The following TAFA2 variants were observed in gnomAD, a reference collection of about 807,000 sequenced individuals.
TAFA2 encodes chemokine-like protein TAFA-2.
Under a neutral mutation model 18.8 loss-of-function variants are expected in TAFA2, and 7 were observed. The observed-to-expected ratio is 0.37, with a 90% CI of 0.21 to 0.70. The LOEUF (loss-of-function observed/expected upper bound fraction) is 0.70, where lower values mean the gene tolerates loss of function less well. Among genes scored for constraint, TAFA2 ranks in the 30% least tolerant of loss-of-function variants. The pLI, the probability that TAFA2 is intolerant of heterozygous loss-of-function variation, is 0.53. For missense variants in TAFA2, 122 were observed against 158.1 expected, an observed-to-expected ratio of 0.77 and a Z score of 1.23; for synonymous variants, 60 against 54.2, an observed-to-expected ratio of 1.11 and a Z score of -0.47.
At chr12:61,712,443 T>G (rs1173464823) in intron 4 of TAFA2, among the ~76,000 whole-genome samples, 1 of 152,124 alleles carries the variant, frequency 6.6e-6, no homozygotes, top group Non-Finnish European at 1.5e-5. Context: ...CTTATAAAAC[T>G]AAAACAATTT....
intron 1 of TAFA2, among the ~76,000 whole-genome samples, chr12:61,884,214 C>T (rs1199217859): frequency 2.0e-5 from 3 of 152,108 alleles, no homozygotes; most frequent in Non-Finnish European, 2.9e-5. Flanking sequence ...GAAACGATGG[C>T]GCTGACCCAG....
In TAFA2 at chr12:62,199,113, G is replaced by T. The variant is rs2136966616; in HGVS notation, c.-130+59650C>A. On this transcript the variant is annotated intron_variant, in intron 1 of 5. Coordinates refer to the TAFA2 transcript ENST00000551619. Reference sequence around the variant, plus strand: ...CATGTGTCTGAAATCAACTGGCAGTGCATTGCCTCCGTCATTATCTGACAA... The same window carrying T: ...CATGTGTCTGAAATCAACTGGCAGTTCATTGCCTCCGTCATTATCTGACAA... 2.0e-5 allele frequency among the ~76,000 whole-genome samples: 3 copies of T among 152,336 alleles called. No individual in the cohort carries two copies. The East Asian group carries it at 5.8e-4, about 29-fold the overall frequency.
chr12:61,760,450 A>T (rs1246379789), intron 2 of TAFA2, among the ~76,000 whole-genome samples: 1 of 149,948 alleles, frequency 6.7e-6, no homozygotes, highest in Non-Finnish European at 1.5e-5. Flanking sequence ...CAGGATTTGA[A>T]CATGAAATAT....
intron 1 of TAFA2, among the ~76,000 whole-genome samples, chr12:62,064,655 A>G (rs576459318): frequency 3.1e-4 from 47 of 152,246 alleles, no homozygotes; most frequent in African/African-American, 1.1e-3. Flanking sequence ...TTTCTGTTCA[A>G]TATCATTAAA....
At chr12:61,830,087 C>G (rs1420395163) in intron 2 of TAFA2, among the ~76,000 whole-genome samples, 1 of 151,360 alleles carries the variant, frequency 6.6e-6, no homozygotes, top group East Asian at 1.9e-4. Flanking sequence ...CTCATAATAG[C>G]AAAGATATGG....
chr12:62,137,144 G>C (rs1371270550), intron 1 of TAFA2, among the ~76,000 whole-genome samples: 1 of 152,092 alleles, frequency 6.6e-6, no homozygotes, highest in African/African-American at 2.4e-5. Flanking sequence ...TCTTACCCCT[G>C]CTACCTCAAG....
chr12:61,943,409 C>A (rs1448333237), intron 1 of TAFA2, among the ~76,000 whole-genome samples: 4 of 149,178 alleles, frequency 2.7e-5, no homozygotes, highest in South Asian at 2.2e-4. Context: ...CGAGCAAAAT[C>A]ACCAGCTAAC....
chr12:62,214,359 C>T (rs1377641125), intron 1 of TAFA2, among the ~76,000 whole-genome samples: 2 of 152,134 alleles, frequency 1.3e-5, no homozygotes, highest in African/African-American at 2.4e-5. Flanking sequence ...TGCACAAGCT[C>T]GCTCTCTCTT....
rs75982657 is a variant in TAFA2 at position 61,750,301 on chromosome 12, T to G, written c.384+3321A>C. Among the ~76,000 whole-genome samples, 836 of 152,236 alleles carry G rather than the reference T, an allele frequency of 5.5e-3. 3 individuals are homozygous for G. The highest frequency in any genetic ancestry group is 0.019 in the African/African-American group (792 of 41,558). On this transcript the variant is annotated intron_variant, in intron 4 of 4. Transcript: ENST00000416284. ...TTAAAAGTAATAAAAGAGACGGTTA[T>G]AGATGTCACAGAAAGTCATAAATTT...
At chr12:61,940,855 C>T (rs990218140) in intron 1 of TAFA2, among the ~76,000 whole-genome samples, 8 of 152,064 alleles carry the variant, frequency 5.3e-5, no homozygotes, top group African/African-American at 9.7e-5. Context: ...ATGAGCTTTT[C>T]ATTTGGCTGC....
chr12:62,045,737 GT>G (rs1308601629), intron 1 of TAFA2, among the ~76,000 whole-genome samples: 1 of 152,060 alleles, frequency 6.6e-6, no homozygotes, highest in East Asian at 1.9e-4. Flanking sequence ...AGAATCTAAT[GT>G]TTTTTTCTTT....
At chr12:61,751,947 G>A (rs1191779447) in intron 4 of TAFA2, among the ~76,000 whole-genome samples, 1 of 151,818 alleles carries the variant, frequency 6.6e-6, no homozygotes, top group African/African-American at 2.4e-5. Context: ...TATTTTTAAA[G>A]GTCGACCTCT....
intron 1 of TAFA2, among the ~76,000 whole-genome samples, chr12:62,030,321 A>G (rs1239156826): frequency 6.6e-6 from 1 of 152,144 alleles, no homozygotes; most frequent in East Asian, 1.9e-4. Context: ...GGGAGTGTGT[A>G]AGAAGGATCA....
chr12:62,191,175 C>A (rs1423972504), intron 1 of TAFA2, 84 bp downstream of exon 1: 1 of 152,058 alleles, frequency 6.6e-6, no homozygotes. Context: ...CGTGTGCACA[C>A]GGGGGCTTCC....
At chr12:61,787,756 A>G (rs1870798216) in intron 2 of TAFA2, among the ~76,000 whole-genome samples, 1 of 151,664 alleles carries the variant, frequency 6.6e-6, no homozygotes, top group African/African-American at 2.4e-5. Context: ...AAATCACCAA[A>G]CCACAAAGGC....
intron 1 of TAFA2, among the ~76,000 whole-genome samples, chr12:62,120,236 C>T (rs181521034): frequency 1.9e-4 from 29 of 152,260 alleles, no homozygotes; most frequent in African/African-American, 5.5e-4. Flanking sequence ...CCATCTATGT[C>T]GTTCCACAAC....
chr12:61,973,584 T>A (rs935901477), intron 1 of TAFA2, among the ~76,000 whole-genome samples: 5 of 151,582 alleles, frequency 3.3e-5, no homozygotes, highest in Non-Finnish European at 1.5e-5. Flanking sequence ...CCCAGAACAA[T>A]TATATCTCAA....
At chr12:61,728,797 C>T (rs1870300090) in intron 4 of TAFA2, among the ~76,000 whole-genome samples, 1 of 136,492 alleles carries the variant, frequency 7.3e-6, no homozygotes, top group Non-Finnish European at 1.7e-5. Context: ...TGTCCCAATA[C>T]CTTGATTTTT....
At chr12:62,080,990 C>T (rs930743005) in intron 1 of TAFA2, among the ~76,000 whole-genome samples, 7 of 152,094 alleles carry the variant, frequency 4.6e-5, no homozygotes, top group South Asian at 4.1e-4. Flanking sequence ...GTCAGGAGAT[C>T]GAGACCATTC....
Sources: gnomAD v4.1 joint callset for allele counts (sites outside exome capture counted in the v4.1 genomes callset) on GRCh38, gnomAD v4.1.1 for gene constraint, MANE v1.5 for transcripts, NCBI Gene and HGNC (gene_info 2026-07-23, HGNC 2026-07-21) for gene names.